KATNIP: variants seen among roughly 807,000 people sequenced by gnomAD.
KATNIP encodes katanin interacting protein.
In KATNIP, 126 loss-of-function variants were observed where a neutral mutation model predicts 174.0. The observed-to-expected ratio is 0.72, with a 90% CI of 0.63 to 0.84. The LOEUF is 0.84. Ranked by LOEUF, KATNIP falls within the 40% of genes least tolerant of loss-of-function variation. The pLI is 0.00. For missense variants in KATNIP, 1,958 were observed against 2,109.7 expected (o/e 0.93, Z 1.41); for synonymous variants, 810 against 835.7 (o/e 0.97, Z 0.53).
chr16:27,774,985 T>A lies in KATNIP; in HGVS notation c.4350T>A (p.Gly1450=), dbSNP rs1453052956. 1 of 1,613,696 alleles carries A rather than the reference T, an allele frequency of 6.2e-7. No individual in the cohort carries two copies. Among genetic ancestry groups the A allele is most frequent in the Non-Finnish European group, 8.5e-7 (1 of 1,179,894 alleles). Residue 1450 remains glycine (G), a synonymous_variant, in exon 24 of 28, where the codon GGT becomes GGA. Transcript: ENST00000261588. The part of the protein sequence containing the change: ...AFPDSVNSLE[G]VGGDVRTPDK... Reference sequence around the variant, plus strand: ...CCGACAGCGTGAACTCCCTGGAGGGTGTGGGCGGGGACGTCCGCACCCCAG... The same window carrying A: ...CCGACAGCGTGAACTCCCTGGAGGGAGTGGGCGGGGACGTCCGCACCCCAG...
intron 1 of KATNIP, among the ~76,000 whole-genome samples, chr16:27,568,824 C>T (rs1596742984): frequency 6.6e-6 from 1 of 152,054 alleles, no homozygotes; most frequent in African/African-American, 2.4e-5. Flanking sequence ...GATTTCTTTA[C>T]CTGCAGATTT....
intron 6 of KATNIP, among the ~76,000 whole-genome samples, chr16:27,673,091 G>A (rs2077979015): frequency 6.6e-6 from 1 of 152,116 alleles, no homozygotes; most frequent in Admixed American, 6.5e-5. Flanking sequence ...CCCCACCCCA[G>A]CAGAACAGAA....
At chr16:27,628,379 C>A (rs1596987483) in intron 3 of KATNIP, among the ~76,000 whole-genome samples, 1 of 152,246 alleles carries the variant, frequency 6.6e-6, no homozygotes, top group African/African-American at 2.4e-5. Flanking sequence ...CAGCACGGGG[C>A]ATGAACTGGG....
rs2142336221 is a variant in KATNIP at position 27,648,688 on chromosome 16, G to A, written c.493G>A (p.Gly165Arg). 6.2e-7 allele frequency: 1 copy of A among 1,614,192 alleles called. No individual in the cohort carries two copies. The highest frequency in any genetic ancestry group is 8.5e-7 in the Non-Finnish European group (1 of 1,180,024). Reference protein sequence around the residue: ...VDYSDDFELCGDVTLQANNTS... With the variant: ...VDYSDDFELCRDVTLQANNTS... ...CTATTCTGATGATTTTGAGCTGTGT[G>A]GGGATGTGACTCTCCAGGCAAACAA... The change falls in exon 6 of 28, where the codon GGG becomes AGG. Residue 165 changes from glycine (G) to arginine (R), a missense_variant. Around this residue, in one of 3 missense-constraint regions of KATNIP, gnomAD observed 1,557 missense variants for 1,617.8 expected, o/e 0.96. Transcript: ENST00000261588.
intron 6 of KATNIP, among the ~76,000 whole-genome samples, chr16:27,651,493 A>AT (rs2077121129): frequency 2.0e-5 from 3 of 151,800 alleles, no homozygotes; most frequent in Admixed American, 2.0e-4. Context: ...TGCAAGCGCA[A>AT]CCTGAAATGG....
intron 2 of KATNIP, among the ~76,000 whole-genome samples, chr16:27,595,154 G>A (rs1567473158): frequency 6.6e-6 from 1 of 152,202 alleles, no homozygotes; most frequent in Non-Finnish European, 1.5e-5. Context: ...GGAGGCCTAA[G>A]TGGGTAGATT....
intron 13 of KATNIP, among the ~76,000 whole-genome samples, chr16:27,714,739 A>G (rs551221358): frequency 6.6e-6 from 1 of 152,342 alleles, no homozygotes; most frequent in East Asian, 1.9e-4. Context: ...TTAGAAATAT[A>G]TTTAACAAAA....
At chr16:27,730,443 T>C (rs778544276) in intron 14 of KATNIP, among the ~76,000 whole-genome samples, 28 of 152,202 alleles carry the variant, frequency 1.8e-4, no homozygotes, top group Admixed American at 1.1e-3. Flanking sequence ...AGTACTTGTC[T>C]GGACCCTGAA....
chr16:27,557,968 G>A (rs2141565052), intron 1 of KATNIP, among the ~76,000 whole-genome samples: 1 of 152,316 alleles, frequency 6.6e-6, no homozygotes, highest in African/African-American at 2.4e-5. Context: ...GTTAAGTGGA[G>A]ACTTTGCCCT....
intron 1 of KATNIP, among the ~76,000 whole-genome samples, chr16:27,569,635 G>A (rs140909689): frequency 6.6e-6 from 1 of 152,328 alleles, no homozygotes; most frequent in East Asian, 1.9e-4. Flanking sequence ...GCTAAGTGCG[G>A]TAGACAGGCA....
At chr16:27,720,015 TTTGTTGTTG>T (rs374344841) in intron 13 of KATNIP, among the ~76,000 whole-genome samples, 4 of 151,930 alleles carry the variant, frequency 2.6e-5, no homozygotes, top group Non-Finnish European at 4.4e-5. Flanking sequence ...TTGTGTTTGC[TTTGTTGTTG>T]TTGTTGTTGT....
intron 5 of KATNIP, among the ~76,000 whole-genome samples, chr16:27,634,950 G>A (rs1205200842): frequency 6.6e-6 from 1 of 152,146 alleles, no homozygotes; most frequent in Admixed American, 6.5e-5. Context: ...GTTTTTAAGG[G>A]TTTTGGAGTA....
At chr16:27,617,007 G>T (rs959062021) in intron 2 of KATNIP, among the ~76,000 whole-genome samples, 1 of 148,530 alleles carries the variant, frequency 6.7e-6, no homozygotes, top group African/African-American at 2.5e-5. Flanking sequence ...CCCGGAGGAA[G>T]ATATATATAT....
intron 2 of KATNIP, among the ~76,000 whole-genome samples, chr16:27,605,326 AAAG>A (rs1180627119): frequency 6.6e-6 from 1 of 152,252 alleles, no homozygotes; most frequent in East Asian, 1.9e-4. Context: ...CTGAGAATAA[AAAG>A]AAATGCTCGT....
intron 12 of KATNIP, among the ~76,000 whole-genome samples, chr16:27,704,980 G>A (rs984495186): frequency 2.1e-5 from 3 of 143,100 alleles, no homozygotes; most frequent in African/African-American, 7.8e-5. Context: ...GCACCATCTT[G>A]GCTCATGGCA....
intron 1 of KATNIP, among the ~76,000 whole-genome samples, chr16:27,561,311 C>T (rs568297483): frequency 6.6e-6 from 1 of 152,206 alleles, no homozygotes; most frequent in South Asian, 2.1e-4. Context: ...GCGTGGGCCA[C>T]TTTGCCTGGC....
At chr16:27,742,044 A>C (rs1307753543) in intron 15 of KATNIP, among the ~76,000 whole-genome samples, 1 of 152,120 alleles carries the variant, frequency 6.6e-6, no homozygotes, top group East Asian at 1.9e-4. Flanking sequence ...AAAAAAAAAA[A>C]AAAAGGCACA....
At chr16:27,657,370 A>T (rs2077333727) in intron 6 of KATNIP, among the ~76,000 whole-genome samples, 1 of 152,176 alleles carries the variant, frequency 6.6e-6, no homozygotes. Flanking sequence ...CAAAATAGAA[A>T]AAGCTAGCAC....
At chr16:27,670,749 CAAG>C (rs528831309) in intron 6 of KATNIP, among the ~76,000 whole-genome samples, 160 of 152,168 alleles carry the variant, frequency 1.1e-3, no homozygotes, top group African/African-American at 3.8e-3. Context: ...TATTTATTTG[CAAG>C]AAGGAGGGAC....
Sources: allele counts gnomAD v4.1 joint callset (sites outside exome capture counted in the v4.1 genomes callset), GRCh38; gene constraint gnomAD v4.1.1; regional missense constraint gnomAD v4.1.1; transcripts MANE v1.5; gene names NCBI Gene and HGNC (gene_info 2026-07-23, HGNC 2026-07-21).